RBFOX1: variants seen among roughly 807,000 people sequenced by gnomAD.
RBFOX1 encodes the protein RNA binding fox-1 homolog 1.
A neutral mutation model predicts 57.7 loss-of-function variants in RBFOX1; 8 were observed. That is an observed-to-expected ratio of 0.14 (90% CI 0.08 to 0.25). The LOEUF (loss-of-function observed/expected upper bound fraction) is 0.25. Ranked by LOEUF, RBFOX1 falls within the 10% of genes least tolerant of loss-of-function variation. The probability of loss-of-function intolerance (pLI) is 1.00; values close to 1 mark genes in which losing one functional copy is unlikely to be tolerated. For missense variants in RBFOX1, 611 were observed against 548.5 expected (o/e 1.11, Z -1.14); for synonymous variants, 326 against 222.4 (o/e 1.47, Z -4.15).
intron 1 of RBFOX1, among the ~76,000 whole-genome samples, chr16:6,077,298 G>C (rs2095917919): frequency 6.9e-6 from 1 of 145,516 alleles, no homozygotes; most frequent in African/African-American, 2.5e-5. Context: ...CTCACATATG[G>C]AGCATTTCTT....
intron 2 of RBFOX1, among the ~76,000 whole-genome samples, chr16:6,582,568 C>T (rs368728702): frequency 4.6e-5 from 7 of 151,836 alleles, no homozygotes; most frequent in East Asian, 3.9e-4. Flanking sequence ...TCTGGGCCTC[C>T]TCAATGAAAG....
chr16:6,819,583 T>C (rs2090863874), intron 3 of RBFOX1, among the ~76,000 whole-genome samples: 1 of 151,732 alleles, frequency 6.6e-6, no homozygotes, highest in Middle Eastern at 3.2e-3. Flanking sequence ...TGTATGCCTG[T>C]AATCCCAGCT....
intron 2 of RBFOX1, among the ~76,000 whole-genome samples, chr16:6,478,139 C>A (rs991585787): frequency 8.6e-5 from 13 of 151,562 alleles, no homozygotes; most frequent in African/African-American, 3.1e-4. Flanking sequence ...AAGGGAGTAG[C>A]ACTTTTACTT....
chr16:5,988,783 A>AT (rs5815276), intron 4 of RBFOX1, among the ~76,000 whole-genome samples: 13,256 of 151,720 alleles, frequency 0.087, 706 homozygotes, highest in East Asian at 0.26. Flanking sequence ...CCCTTTCTCA[A>AT]TTTTTTTTTA....
intron 3 of RBFOX1, among the ~76,000 whole-genome samples, chr16:6,726,550 A>C (rs78898403): frequency 6.6e-6 from 1 of 152,236 alleles, no homozygotes; most frequent in African/African-American, 2.4e-5. Context: ...GGTTCTTGTG[A>C]ACAATGAGAG....
At chr16:6,966,833 ATCTATC>A (rs1555690446) in intron 3 of RBFOX1, among the ~76,000 whole-genome samples, 2 of 140,184 alleles carry the variant, frequency 1.4e-5, no homozygotes, top group African/African-American at 5.5e-5. Flanking sequence ...CTATCTGTCT[ATCTATC>A]TATCCATCCA....
intron 3 of RBFOX1, among the ~76,000 whole-genome samples, chr16:6,734,708 C>T (rs2069631161): frequency 6.6e-6 from 1 of 152,198 alleles, no homozygotes; most frequent in African/African-American, 2.4e-5. Flanking sequence ...CAGAAAGCAG[C>T]ACTAGACTTC....
intron 4 of RBFOX1, among the ~76,000 whole-genome samples, chr16:7,402,806 T>G (rs1303759587): frequency 6.6e-6 from 1 of 152,164 alleles, no homozygotes; most frequent in African/African-American, 2.4e-5. Flanking sequence ...AGGGATAGCT[T>G]AACTCTAGAA....
chr16:7,654,040 TC>T, intron 12 of RBFOX1, 93 bp downstream of exon 12: 2 of 1,320,354 alleles, frequency 1.5e-6, no homozygotes, highest in Non-Finnish European at 2.0e-6. Flanking sequence ...TGGTCTTGAC[TC>T]CCCCTCCGCC....
At chr16:7,551,088 C>CAAAAAAAA (rs539169022) in intron 5 of RBFOX1, among the ~76,000 whole-genome samples, 3 of 76,742 alleles carry the variant, frequency 3.9e-5, no homozygotes, top group Admixed American at 1.6e-4. Context: ...GAGCGAGACT[C>CAAAAAAAA]AAAAAAAAAA....
At position 6,556,391 on chromosome 16, in the gene RBFOX1, G is replaced by A. The variant is rs570743026; in HGVS notation, c.-63-98212G>A. On this transcript the variant is annotated intron_variant, in intron 2 of 15. Coordinates refer to ENST00000550418, the MANE Select transcript of RBFOX1 (RefSeq NM_018723.4). The stretch of plus-strand genomic sequence containing the variant: ...CCGGCTCTCCTTTTATTCTGATGAT[G>A]GCAAATGTTGAATGTGGTGAATAAA... Among the ~76,000 whole-genome samples, 6 of 152,216 alleles carry A rather than the reference G, an allele frequency of 3.9e-5. No individual in the cohort carries two copies. In the South Asian group the frequency reaches 1.2e-3, roughly 32 times the overall value.
At chr16:5,605,591 C>T (rs1423284860) in intron 3 of RBFOX1, among the ~76,000 whole-genome samples, 1 of 151,714 alleles carries the variant, frequency 6.6e-6, no homozygotes, top group Admixed American at 6.6e-5. Context: ...AGAGTGGTGC[C>T]ACTGATGAGT....
At chr16:5,669,353 C>T (rs1030563992) in intron 3 of RBFOX1, among the ~76,000 whole-genome samples, 1 of 149,502 alleles carries the variant, frequency 6.7e-6, no homozygotes, top group Non-Finnish European at 1.5e-5. Flanking sequence ...GGCTTGGGCT[C>T]TTTGGGTTCA....
chr16:5,764,911 A>G lies in RBFOX1; in HGVS notation c.319-102392A>G, dbSNP rs141918981. 3.6e-3 allele frequency among the ~76,000 whole-genome samples: 554 copies of G among 152,320 alleles called. 4 individuals carry two copies. The highest frequency in any genetic ancestry group is 0.013 in the African/African-American group (529 of 41,566). ...GTGATCATCCTATGAAATAAATACA[A>G]TTTTGTCCATTTGAAAGAGGAGAAA... On this transcript the variant is annotated intron_variant, in intron 3 of 19. Transcript: ENST00000641259.
intron 4 of RBFOX1, among the ~76,000 whole-genome samples, chr16:5,981,777 T>A (rs2060178759): frequency 6.6e-6 from 1 of 152,112 alleles, no homozygotes; most frequent in South Asian, 2.1e-4. Context: ...CCGTGTGATG[T>A]TTTAAAACGG....
At chr16:5,972,215 A>ACCCT (rs553748361) in intron 4 of RBFOX1, among the ~76,000 whole-genome samples, 177 of 151,804 alleles carry the variant, frequency 1.2e-3, no homozygotes, top group Non-Finnish European at 2.4e-3. Flanking sequence ...ACACACACAC[A>ACCCT]CCCTCCCTCC....
intron 4 of RBFOX1, among the ~76,000 whole-genome samples, chr16:7,200,289 G>A (rs2152714495): frequency 6.6e-6 from 1 of 152,312 alleles, no homozygotes; most frequent in South Asian, 2.1e-4. Flanking sequence ...CCAGGGAGTG[G>A]AGTGGAGAAG....
intron 1 of RBFOX1, chr16:6,038,570 A>G (rs2152408533): frequency 6.9e-6 from 1 of 144,324 alleles, no homozygotes; most frequent in East Asian, 2.0e-4. Flanking sequence ...TATATATATC[A>G]TCCATATATA....
At chr16:7,409,163 G>A (rs1031309682) in intron 4 of RBFOX1, among the ~76,000 whole-genome samples, 3 of 152,182 alleles carry the variant, frequency 2.0e-5, no homozygotes. Context: ...GGGAGCTGGA[G>A]GACCTCTCCG....
Sources: allele counts gnomAD v4.1 joint callset (sites outside exome capture counted in the v4.1 genomes callset), GRCh38; gene constraint gnomAD v4.1.1; transcripts MANE v1.5; gene names NCBI Gene and HGNC (gene_info 2026-07-23, HGNC 2026-07-21).